The following NFIX variants were observed in gnomAD, a reference collection of about 807,000 sequenced individuals.
NFIX encodes the protein nuclear factor 1 X-type.
In NFIX, 2 loss-of-function variants were observed where a neutral mutation model predicts 53.3. The ratio of observed to expected loss-of-function variants is 0.04; its 90% CI spans 0.02 to 0.12. The LOEUF (loss-of-function observed/expected upper bound fraction) is 0.12. Ranked by LOEUF, NFIX falls within the 10% of genes least tolerant of loss-of-function variation. The pLI is 1.00. For missense variants in NFIX, 310 were observed against 674.5 expected, an observed-to-expected ratio of 0.46 and a Z score of 5.99; for synonymous variants, 244 against 289.0, an observed-to-expected ratio of 0.84 and a Z score of 1.58.
Position 13,067,449 on chromosome 19 carries a change from C to CGT in NFIX, c.560-5590_560-5589dup, listed in dbSNP as rs894053403. On this transcript the variant is annotated intron_variant, in intron 2 of 10. Coordinates refer to ENST00000592199, the MANE Select transcript of NFIX (RefSeq NM_001365902.3). The surrounding 1 kb of genome is among the most constrained non-coding windows in gnomAD (Gnocchi z 4.2). Reference sequence around the variant, plus strand: ...GGCAAGAAGTGGTTAGTGGCACCTCCGTGTGTGTGCGCGCGTGTGTGTGTG... The same window carrying CGT: ...GGCAAGAAGTGGTTAGTGGCACCTCCGTGTGTGTGTGCGCGCGTGTGTGTGTG... 6.7e-5 allele frequency among the ~76,000 whole-genome samples: 10 copies of CGT among 148,928 alleles called. No homozygotes were observed. The highest frequency in any genetic ancestry group is 1.5e-4 in the Non-Finnish European group (10 of 67,566).
rs1390957571 is a variant in NFIX, at chr19:13,089,411, C to T, written c.1403-888C>T. On this transcript the variant is annotated intron_variant, in intron 9 of 10. Transcript: ENST00000592199. The surrounding 1 kb of genome is among the most constrained non-coding windows in gnomAD (Gnocchi z 4.8). ...CTCCATCTGGACAACCTGAGAGGAA[C>T]TCAGGGCTGTTGAGATCATTTTGTC... is the stretch of plus-strand genomic sequence containing the variant. 6.6e-6 allele frequency among the ~76,000 whole-genome samples: 1 copy of T among 152,200 alleles called. No homozygotes were observed. The highest frequency in any genetic ancestry group is 1.5e-5 in the Non-Finnish European group (1 of 68,028).
rs908007069 is a variant in NFIX, at chr19:13,016,334, C to A, written c.28-8687C>A. On this transcript the variant is annotated intron_variant, in intron 1 of 10. Transcript: ENST00000592199. ...TAAAAGCTAGCAGGCATGTGGTCCA[C>A]GAGGCATCCTGACCCGTCCACATGT... 2.0e-5 allele frequency among the ~76,000 whole-genome samples: 3 copies of A among 152,246 alleles called. No individual in the cohort carries two copies. In the East Asian group the frequency reaches 5.8e-4, roughly 29 times the overall value.
intron 2 of NFIX, among the ~76,000 whole-genome samples, chr19:13,059,092 G>A (rs146247695): frequency 4.6e-5 from 7 of 152,280 alleles, no homozygotes; most frequent in Admixed American, 2.0e-4. Flanking sequence ...CCCGGGATTC[G>A]TGCACATCGG....
Position 13,025,889 on chromosome 19 carries a change from A to C in NFIX, c.559+337A>C, listed in dbSNP as rs760811084. On this transcript the variant is annotated intron_variant, in intron 2 of 10. Transcript: ENST00000592199. The surrounding 1 kb of genome is among the most constrained non-coding windows in gnomAD (Gnocchi z 7.5). ...AATTATCCATGATGGTGAGAGTTTG[A>C]GATGAACAACAACAGCAAACCAGTA... Among the ~76,000 whole-genome samples, 16 of 152,202 alleles carry C rather than the reference A, an allele frequency of 1.1e-4. No homozygotes were observed. Among genetic ancestry groups the C allele is most frequent in the Non-Finnish European group, 1.9e-4 (13 of 68,042 alleles).
rs1040257689 is a variant in NFIX, at chr19:13,075,454, A to T, written c.819-81A>T. ...CCCACCCAGAGGGCCATCTATGCACAGTTCTTTAGCCTGGACTCTTGGTCA... is the reference window on the plus strand; with the variant it reads ...CCCACCCAGAGGGCCATCTATGCACTGTTCTTTAGCCTGGACTCTTGGTCA... On this transcript the variant is annotated intron_variant, in intron 5 of 10. Coordinates refer to ENST00000592199, the MANE Select transcript of NFIX (RefSeq NM_001365902.3). The T allele has an allele frequency of 1.9e-5, 29 of 1,508,802 alleles. No homozygotes were observed. In the Middle Eastern group the frequency reaches 6.9e-4, roughly 36 times the overall value. The allele number at this position is 1,508,802 out of a possible 1,614,324, so 93.5% of individuals were successfully genotyped here.
intron 2 of NFIX, among the ~76,000 whole-genome samples, chr19:13,046,271 A>C (rs1428150351): frequency 1.3e-5 from 2 of 152,078 alleles, no homozygotes; most frequent in East Asian, 3.9e-4. Context: ...GCTGGGTGAG[A>C]TGGGTGTGGG....
intron 1 of NFIX, among the ~76,000 whole-genome samples, chr19:13,008,870 C>T (rs2012168644): frequency 6.6e-6 from 1 of 152,218 alleles, no homozygotes; most frequent in African/African-American, 2.4e-5. Context: ...GGTTTGCAAA[C>T]AGGTGGAGCC....
chr19:13,044,682 G>A (rs1440177500), intron 2 of NFIX, among the ~76,000 whole-genome samples: 2 of 152,124 alleles, frequency 1.3e-5, no homozygotes, highest in East Asian at 1.9e-4. Flanking sequence ...GGCCTTTCCC[G>A]TTCGCTCAGC....
At chr19:13,059,777 C>CTTTTTTTTTTTT (rs35128120) in intron 2 of NFIX, among the ~76,000 whole-genome samples, 1 of 60,336 alleles carries the variant, frequency 1.7e-5, no homozygotes, top group Non-Finnish European at 2.9e-5. Context: ...AATTAGAATT[C>CTTTTTTTTTTTT]TTTTTTTTTT....
At position 13,093,673 on chromosome 19, in the gene NFIX, T is replaced by G. The variant is rs2018271397; in HGVS notation, c.1495-962T>G. 6.6e-6 allele frequency among the ~76,000 whole-genome samples: 1 copy of G among 152,244 alleles called. No homozygotes were observed. Among genetic ancestry groups the G allele is most frequent in the Non-Finnish European group, 1.5e-5 (1 of 68,036 alleles). ...CAGGACCTGGTATGTGCTCTGTAGT[T>G]GGCTCCGCCTGGCCCCTGCAGACCA... On this transcript the variant is annotated intron_variant, in intron 10 of 10. Transcript: ENST00000592199. This position sits in a 1 kb window ranked among gnomAD's most constrained non-coding sequence, Gnocchi z 4.7.
Position 13,025,618 on chromosome 19 carries a change from T to C in NFIX, c.559+66T>C. 1 of 1,549,862 alleles carries C rather than the reference T, an allele frequency of 6.5e-7. No homozygotes were observed. The highest frequency in any genetic ancestry group is 8.7e-7 in the Non-Finnish European group (1 of 1,147,994). On this transcript the variant is annotated intron_variant, in intron 2 of 10. Transcript: ENST00000592199. This position sits in a 1 kb window ranked among gnomAD's most constrained non-coding sequence, Gnocchi z 7.5. ...CCTTGCTGGCATTTGTTCTGTTTAT[T>C]GTTCCTCTAATTTCCAAGCGATAAC...
rs1365381967 is a variant in NFIX, at chr19:13,027,281, C to G, written c.559+1729C>G. Among the ~76,000 whole-genome samples the G allele has an allele frequency of 6.6e-6, 1 of 152,114 alleles. No individual in the cohort carries two copies. The highest frequency in any genetic ancestry group is 1.5e-5 in the Non-Finnish European group (1 of 68,026). On this transcript the variant is annotated intron_variant, in intron 2 of 10. Coordinates refer to ENST00000592199, the MANE Select transcript of NFIX (RefSeq NM_001365902.3). This position sits in a 1 kb window ranked among gnomAD's most constrained non-coding sequence, Gnocchi z 4.3. Reference sequence around the variant, plus strand: ...AGAAGGGCCAGGTGCCAGTCATTCCCCCTCCCTTCAGCTTGAATTTTTTCT... The same window carrying G: ...AGAAGGGCCAGGTGCCAGTCATTCCGCCTCCCTTCAGCTTGAATTTTTTCT...
Position 13,073,557 on chromosome 19 carries a change from A to C in NFIX, c.697+61A>C. 3 of 1,449,584 alleles carry C rather than the reference A, an allele frequency of 2.1e-6. No individual in the cohort carries two copies. Among genetic ancestry groups the C allele is most frequent in the Non-Finnish European group, 1.9e-6 (2 of 1,030,724 alleles). 89.8% of individuals were successfully genotyped at this position (1,449,584 alleles called of 1,614,324 possible). A position where few individuals can be genotyped will look rare whatever the true frequency, so the allele number is the denominator to read the frequency against. On this transcript the variant is annotated intron_variant, in intron 4 of 10. Coordinates refer to ENST00000592199, the MANE Select transcript of NFIX (RefSeq NM_001365902.3). This position sits in a 1 kb window ranked among gnomAD's most constrained non-coding sequence, Gnocchi z 4.5. Reference sequence around the variant, plus strand: ...ATTGAAAGTGAGGAGGTGGGACCTCATGGGATGTCCTCCTAATGGGGTCTT... The same window carrying C: ...ATTGAAAGTGAGGAGGTGGGACCTCCTGGGATGTCCTCCTAATGGGGTCTT...
Position 13,051,884 on chromosome 19 carries a change from G to A in NFIX, c.560-21163G>A, listed in dbSNP as rs538046398. Among the ~76,000 whole-genome samples the A allele has an allele frequency of 7.1e-4, 108 of 152,280 alleles. No individual in the cohort carries two copies. The South Asian group carries it at 9.6e-3, about 13-fold the overall frequency. On this transcript the variant is annotated intron_variant, in intron 2 of 10. Coordinates refer to ENST00000592199, the MANE Select transcript of NFIX (RefSeq NM_001365902.3). The surrounding 1 kb of genome is among the most constrained non-coding windows in gnomAD (Gnocchi z 5.1). ...GGGCGGCTCCCGGGAGCAGCCGGGC[G>A]GCTGCGGGAAGGCACTTCTTAGGCG...
chr19:13,024,488 T>C, intron 1 of NFIX: 1 of 1,487,830 alleles, frequency 6.7e-7, no homozygotes, highest in Non-Finnish European at 8.9e-7. Flanking sequence ...GATGTCATTT[T>C]CTGTCTTCTT....
chr19:13,000,597 C>G (rs1305509920), intron 1 of NFIX, among the ~76,000 whole-genome samples: 2 of 151,958 alleles, frequency 1.3e-5, no homozygotes, highest in Admixed American at 6.5e-5. Flanking sequence ...TCCACTGTTC[C>G]ATGAGGACCA....
At position 13,095,893 on chromosome 19, in the gene NFIX, A is replaced by G. The variant is rs2018418697; in HGVS notation, c.*1244A>G. ...TTTAGCTGTAATGTCTTTACTCTTT[A>G]TTTAGGGGTGGGGCATTCATTGTTT... On this transcript the variant is annotated 3_prime_UTR_variant, in exon 11 of 11. Coordinates refer to ENST00000592199, the MANE Select transcript of NFIX (RefSeq NM_001365902.3). 8.0e-6 allele frequency: 1 copy of G among 124,964 alleles called. No homozygotes were observed. The highest frequency in any genetic ancestry group is 1.6e-5 in the Non-Finnish European group (1 of 63,822). 7.7% of individuals were successfully genotyped at this position (124,964 alleles called of 1,614,324 possible). A position where few individuals can be genotyped will look rare whatever the true frequency, so the allele number is the denominator to read the frequency against.
In NFIX at chr19:13,077,273, G is replaced by T. The variant is rs185061373; in HGVS notation, c.956-1340G>T. On this transcript the variant is annotated intron_variant, in intron 6 of 10. Coordinates refer to ENST00000592199, the MANE Select transcript of NFIX (RefSeq NM_001365902.3). ...TTCTTGGCTGTCTGCTTTTGCGCCT[G>T]CCATTTCTGCATTTCTGCTCCTTCC... Among the ~76,000 whole-genome samples, 993 of 152,292 alleles carry T rather than the reference G, an allele frequency of 6.5e-3. 2 individuals are homozygous for T. Among genetic ancestry groups the T allele is most frequent in the Non-Finnish European group, 0.011 (746 of 68,026 alleles).
At position 13,073,851 on chromosome 19, in the gene NFIX, AC is replaced by A. The variant is rs2016912295; in HGVS notation, c.698-51del. ...GAAGCTGTTCATGACAAAGAAACAG[AC>A]CCCATCAGGCCTCCCCCCACCTCCA... is the stretch of plus-strand genomic sequence containing the variant. On this transcript the variant is annotated intron_variant, in intron 4 of 10. Transcript: ENST00000592199. The surrounding 1 kb of genome is among the most constrained non-coding windows in gnomAD (Gnocchi z 4.5). The A allele has an allele frequency of 3.1e-6, 5 of 1,611,166 alleles. No individual in the cohort carries two copies. The Admixed American group carries it at 8.4e-5, about 27-fold the overall frequency.
Sources: allele counts gnomAD v4.1 joint callset (sites outside exome capture counted in the v4.1 genomes callset), GRCh38; gene constraint gnomAD v4.1.1; non-coding constraint Gnocchi (gnomAD v3.1); transcripts MANE v1.5; gene names NCBI Gene and HGNC (gene_info 2026-07-23, HGNC 2026-07-21).